The following RALGPS2 variants were observed in gnomAD, a reference collection of about 807,000 sequenced individuals.
RALGPS2 encodes Ral GEF with PH domain and SH3 binding motif 2, also known as ras-specific guanine nucleotide-releasing factor RalGPS2.
A neutral mutation model predicts 86.8 loss-of-function variants in RALGPS2; 43 were observed. That is an observed-to-expected ratio of 0.50 (90% CI 0.39 to 0.64). The LOEUF (loss-of-function observed/expected upper bound fraction) is 0.64. Ranked by LOEUF, RALGPS2 falls within the 30% of genes least tolerant of loss-of-function variation. The pLI is 0.00. For missense variants in RALGPS2, 536 were observed against 694.6 expected (o/e 0.77, Z 2.57); for synonymous variants, 243 against 231.3 (o/e 1.05, Z -0.46).
chr1:178,837,446 G>T (rs1656334907), intron 8 of RALGPS2, among the ~76,000 whole-genome samples: 1 of 152,134 alleles, frequency 6.6e-6, no homozygotes, highest in Non-Finnish European at 1.5e-5. Context: ...CTACAGCCTG[G>T]TGTTTTAATG....
intron 1 of RALGPS2, among the ~76,000 whole-genome samples, chr1:178,739,892 C>T (rs891835800): frequency 6.6e-6 from 1 of 152,144 alleles, no homozygotes; most frequent in Non-Finnish European, 1.5e-5. Flanking sequence ...GTCAACAAAC[C>T]TAGCCACCTC....
intron 4 of RALGPS2, among the ~76,000 whole-genome samples, chr1:178,793,136 C>G (rs1213719834): frequency 6.6e-6 from 1 of 152,026 alleles, no homozygotes; most frequent in Non-Finnish European, 1.5e-5. Flanking sequence ...TTTTAGCGGC[C>G]AAACCATAAG....
At position 178,784,404 on chromosome 1, in the gene RALGPS2, T is replaced by G; in HGVS notation, c.58-14T>G. 1 of 1,586,618 alleles carries G rather than the reference T, an allele frequency of 6.3e-7. No individual in the cohort carries two copies. Among genetic ancestry groups the G allele is most frequent in the Non-Finnish European group, 8.6e-7 (1 of 1,161,838 alleles). ...ACAGTATGTAAAAGGCTGCATTTTC[T>G]TTCACTTTAACAGAAAAGTAGCAGC... On this transcript the variant is annotated splice_polypyrimidine_tract_variant and intron_variant, in intron 2 of 19. Coordinates refer to ENST00000367635, the MANE Select transcript of RALGPS2 (RefSeq NM_152663.5).
At chr1:178,876,758 C>T (rs545658734) in intron 8 of RALGPS2, among the ~76,000 whole-genome samples, 4 of 152,200 alleles carry the variant, frequency 2.6e-5, no homozygotes, top group African/African-American at 9.6e-5. Context: ...CAGAAATAAA[C>T]TTAAATAAGT....
intron 12 of RALGPS2, 47 bp from the exon 13 acceptor site, chr1:178,885,922 A>T: frequency 6.8e-7 from 1 of 1,466,378 alleles, no homozygotes; most frequent in East Asian, 2.4e-5. Context: ...GCAGTTTTTA[A>T]ATTAGTAACA....
intron 8 of RALGPS2, among the ~76,000 whole-genome samples, chr1:178,877,138 T>C (rs1013202266): frequency 6.6e-6 from 1 of 152,102 alleles, no homozygotes; most frequent in Non-Finnish European, 1.5e-5. Flanking sequence ...AAAATAACTC[T>C]CCATTATGAA....
intron 2 of RALGPS2, among the ~76,000 whole-genome samples, chr1:178,780,329 C>T (rs1172869134): frequency 6.6e-6 from 1 of 152,146 alleles, no homozygotes; most frequent in Non-Finnish European, 1.5e-5. Context: ...TATTACTGTA[C>T]TACCATGTTA....
At chr1:178,855,411 G>A (rs893109266) in intron 8 of RALGPS2, among the ~76,000 whole-genome samples, 2 of 150,838 alleles carry the variant, frequency 1.3e-5, no homozygotes, top group Non-Finnish European at 3.0e-5. Flanking sequence ...AAAAGTACAC[G>A]CAAAAATCAA....
chr1:178,831,761 A>G (rs1347726045), intron 7 of RALGPS2, among the ~76,000 whole-genome samples: 1 of 152,170 alleles, frequency 6.6e-6, no homozygotes, highest in African/African-American at 2.4e-5. Flanking sequence ...CTTCTGAGCT[A>G]TCATTCAGGA....
At chr1:178,859,079 GTAA>G (rs1475529841) in intron 8 of RALGPS2, among the ~76,000 whole-genome samples, 1 of 152,086 alleles carries the variant, frequency 6.6e-6, no homozygotes, top group Non-Finnish European at 1.5e-5. Context: ...GGGTCTTTCT[GTAA>G]TAATATGAAT....
chr1:178,803,819 C>G (rs1291889033), intron 4 of RALGPS2, among the ~76,000 whole-genome samples: 1 of 152,044 alleles, frequency 6.6e-6, no homozygotes, highest in Non-Finnish European at 1.5e-5. Flanking sequence ...GTCATCTCTC[C>G]CCTCAGTATT....
chr1:178,766,245 G>T (rs1387612226), intron 1 of RALGPS2, among the ~76,000 whole-genome samples: 1 of 152,148 alleles, frequency 6.6e-6, no homozygotes, highest in Non-Finnish European at 1.5e-5. Flanking sequence ...GCTTCAGCCG[G>T]TTCTTCCATT....
intron 14 of RALGPS2, among the ~76,000 whole-genome samples, chr1:178,890,175 A>C (rs1659661580): frequency 6.6e-6 from 1 of 151,930 alleles, no homozygotes; most frequent in Non-Finnish European, 1.5e-5. Context: ...TTCAGAGTAC[A>C]CTTTTATACT....
intron 4 of RALGPS2, among the ~76,000 whole-genome samples, chr1:178,794,086 G>T (rs575531765): frequency 1.1e-4 from 16 of 151,984 alleles, no homozygotes; most frequent in Non-Finnish European, 2.9e-5. Flanking sequence ...GATCATGAAG[G>T]TTTGTTTTCT....
chr1:178,829,312 C>T (rs570265797), intron 7 of RALGPS2, among the ~76,000 whole-genome samples: 161 of 152,286 alleles, frequency 1.1e-3, no homozygotes, highest in African/African-American at 3.4e-3. Flanking sequence ...CCCCAAACCC[C>T]GGGCTGCTGA....
chr1:178,755,049 C>T (rs1651880625), intron 1 of RALGPS2, among the ~76,000 whole-genome samples: 1 of 152,254 alleles, frequency 6.6e-6, no homozygotes, highest in Non-Finnish European at 1.5e-5. Flanking sequence ...ATGTGCCTGT[C>T]TTGGCCTCCT....
rs1198225211 is a variant in RALGPS2 at position 178,920,031 on chromosome 1, G to A, written c.*3672G>A. 6.6e-6 allele frequency: 1 copy of A among 151,916 alleles called. No homozygotes were observed. Among genetic ancestry groups the A allele is most frequent in the Non-Finnish European group, 1.5e-5 (1 of 67,872 alleles). 9.4% of individuals were successfully genotyped at this position (151,916 alleles called of 1,614,324 possible). A position where few individuals can be genotyped will look rare whatever the true frequency, so the allele number is the denominator to read the frequency against. ...ATGACTTCTTTAGTGACCTTTTAGG[G>A]TTTGCTTTTATTTTCCTCTCTTTTT... On this transcript the variant is annotated 3_prime_UTR_variant, in exon 20 of 20. Transcript: ENST00000367635.
intron 17 of RALGPS2, 31 bp downstream of exon 17, chr1:178,897,787 G>T: frequency 6.4e-7 from 1 of 1,568,988 alleles, no homozygotes. Flanking sequence ...TTTTTAGCGT[G>T]GTTTCCCAGA....
intron 1 of RALGPS2, among the ~76,000 whole-genome samples, chr1:178,727,826 G>T (rs1364890672): frequency 6.6e-6 from 1 of 152,112 alleles, no homozygotes. Context: ...CAACAGGGGA[G>T]ACACAACAGG....
Sources: allele counts gnomAD v4.1 joint callset (sites outside exome capture counted in the v4.1 genomes callset), GRCh38; gene constraint gnomAD v4.1.1; transcripts MANE v1.5; gene names NCBI Gene and HGNC (gene_info 2026-07-23, HGNC 2026-07-21).